Variants in NDFIP1 observed in about 807,000 individuals in gnomAD.
The protein encoded by NDFIP1 is Nedd4 family interacting protein 1.
NDFIP1 carries 7 observed loss-of-function variants against 28.8 expected under a neutral mutation model. That is an observed-to-expected ratio of 0.24 (90% CI 0.14 to 0.46). The LOEUF is 0.46. NDFIP1 is among the 20% of genes least tolerant of loss of function. The probability of loss-of-function intolerance (pLI) is 0.99; values close to 1 mark genes in which losing one functional copy is unlikely to be tolerated. For missense variants in NDFIP1, 194 were observed against 269.1 expected (o/e 0.72, Z 1.95); for synonymous variants, 92 against 101.0 (o/e 0.91, Z 0.53).
chr5:142,140,448 CAA>C (rs71576132), intron 5 of NDFIP1, 113 bp from the exon 6 acceptor site: 15,447 of 506,286 alleles, frequency 0.031, no homozygotes, highest in South Asian at 0.044. Flanking sequence ...AACTCCGTCT[CAA>C]AAAAAAAAAA....
At chr5:142,149,446 T>TTC (rs1757423784) in intron 7 of NDFIP1, among the ~76,000 whole-genome samples, 1 of 150,426 alleles carries the variant, frequency 6.6e-6, no homozygotes, top group Middle Eastern at 3.5e-3. Flanking sequence ...TTTTTTTTTT[T>TTC]TTTTTTTTTA....
intron 3 of NDFIP1, among the ~76,000 whole-genome samples, chr5:142,135,390 G>T (rs769978933): frequency 1.3e-5 from 2 of 152,104 alleles, no homozygotes; most frequent in African/African-American, 2.4e-5. Context: ...TTTTCTTGAG[G>T]TATATTTTTT....
chr5:142,116,374 T>C (rs1455325206), intron 1 of NDFIP1, among the ~76,000 whole-genome samples: 3 of 146,322 alleles, frequency 2.1e-5, no homozygotes, highest in Admixed American at 6.9e-5. Flanking sequence ...CTCTCTCTCT[T>C]TCTTTCTTTC....
intron 1 of NDFIP1, among the ~76,000 whole-genome samples, chr5:142,113,812 T>C (rs1044415991): frequency 1.3e-5 from 2 of 152,230 alleles, no homozygotes; most frequent in African/African-American, 4.8e-5. Context: ...GGATTTGTCC[T>C]TTTGTGACTG....
chr5:142,148,539 T>C (rs915718692), intron 7 of NDFIP1, among the ~76,000 whole-genome samples: 1 of 151,350 alleles, frequency 6.6e-6, no homozygotes, highest in African/African-American at 2.4e-5. Context: ...TCACCTGAGG[T>C]TAGAAGTTTG....
chr5:142,128,255 C>T (rs1390903582), intron 1 of NDFIP1, among the ~76,000 whole-genome samples: 3 of 152,148 alleles, frequency 2.0e-5, no homozygotes, highest in African/African-American at 4.8e-5. Context: ...CTAACCCAAA[C>T]GTGACAATGC....
chr5:142,113,030 C>G (rs2126909233), intron 1 of NDFIP1, among the ~76,000 whole-genome samples: 1 of 152,144 alleles, frequency 6.6e-6, no homozygotes, highest in South Asian at 2.1e-4. Flanking sequence ...TGAATTTTGC[C>G]AATTCATTTC....
intron 1 of NDFIP1, among the ~76,000 whole-genome samples, chr5:142,118,948 A>C (rs1321616755): frequency 6.6e-6 from 1 of 152,046 alleles, no homozygotes; most frequent in East Asian, 1.9e-4. Context: ...GCATTTTTCC[A>C]AGGAGCCTAG....
At chr5:142,132,179 CA>C (rs767371147) in intron 2 of NDFIP1, 32 bp from the exon 3 acceptor site, 1 of 1,602,180 alleles carries the variant, frequency 6.2e-7, no homozygotes, top group Non-Finnish European at 8.5e-7. Context: ...TTCAGCTAAT[CA>C]TCAAAAAATT....
At chr5:142,118,966 T>G (rs1158724032) in intron 1 of NDFIP1, among the ~76,000 whole-genome samples, 1 of 152,168 alleles carries the variant, frequency 6.6e-6, no homozygotes, top group African/African-American at 2.4e-5. Context: ...TAGGTTCCTT[T>G]TATTGAAAAA....
At chr5:142,109,174 G>T in intron 1 of NDFIP1, 137 bp downstream of exon 1, 1 of 773,010 alleles carries the variant, frequency 1.3e-6, no homozygotes, top group Non-Finnish European at 1.7e-6. Context: ...CTGGAGGGGC[G>T]GGTCGGGCCC....
chr5:142,128,162 A>G (rs755333107), intron 1 of NDFIP1, among the ~76,000 whole-genome samples: 10 of 152,104 alleles, frequency 6.6e-5, no homozygotes, highest in Non-Finnish European at 1.2e-4. Context: ...AGTATCCCCT[A>G]CAACCCAGAT....
chr5:142,132,319 A>G lies in NDFIP1; in HGVS notation c.259A>G (p.Thr87Ala). The part of the protein sequence containing the change: ...DEAERTKAEA[T>A]IPLVPGRDED... Reference sequence around the variant, plus strand: ...AGCGGAGAGGACCAAGGCTGAAGCTACTATCCCTTTGGTTCCTGGGAGAGT... The same window carrying G: ...AGCGGAGAGGACCAAGGCTGAAGCTGCTATCCCTTTGGTTCCTGGGAGAGT... The change falls in exon 3 of 8, where the codon ACT becomes GCT. Residue 87 changes from threonine (T) to alanine (A), a missense_variant. Transcript: ENST00000253814. 2 of 1,614,056 alleles carry G rather than the reference A, an allele frequency of 1.2e-6. No homozygotes were observed. The highest frequency in any genetic ancestry group is 2.7e-5 in the African/African-American group (2 of 75,052).
At chr5:142,142,584 A>G (rs1757342624) in intron 6 of NDFIP1, among the ~76,000 whole-genome samples, 1 of 152,072 alleles carries the variant, frequency 6.6e-6, no homozygotes, top group Non-Finnish European at 1.5e-5. Context: ...AGGTTTTATA[A>G]TCCTTCATCA....
intron 7 of NDFIP1, among the ~76,000 whole-genome samples, chr5:142,151,272 T>C (rs1757444174): frequency 6.6e-6 from 1 of 152,232 alleles, no homozygotes; most frequent in Non-Finnish European, 1.5e-5. Context: ...TAGCATGACA[T>C]GGTTGGCATC....
At chr5:142,118,320 G>T (rs1390572806) in intron 1 of NDFIP1, among the ~76,000 whole-genome samples, 1 of 152,154 alleles carries the variant, frequency 6.6e-6, no homozygotes, top group Non-Finnish European at 1.5e-5. Context: ...CTTCTTGGCT[G>T]TGAGTTTCTC....
intron 6 of NDFIP1, among the ~76,000 whole-genome samples, chr5:142,140,996 G>A (rs1349518384): frequency 1.3e-5 from 2 of 152,074 alleles, no homozygotes; most frequent in Non-Finnish European, 2.9e-5. Context: ...ACTGCAGCCA[G>A]TTGAACTAAC....
chr5:142,142,977 G>T (rs1162341517), intron 6 of NDFIP1: 2 of 126,548 alleles, frequency 1.6e-5, no homozygotes, highest in Non-Finnish European at 3.2e-5. Context: ...ATTAATAAGA[G>T]TTTGGATACA....
chr5:142,124,050 G>A (rs745776536), intron 1 of NDFIP1, among the ~76,000 whole-genome samples: 12 of 152,164 alleles, frequency 7.9e-5, no homozygotes, highest in Non-Finnish European at 1.8e-4. Flanking sequence ...CGTAGTCTTT[G>A]TAAGATCATG....
Sources: allele counts gnomAD v4.1 joint callset (sites outside exome capture counted in the v4.1 genomes callset), GRCh38; gene constraint gnomAD v4.1.1; transcripts MANE v1.5; gene names NCBI Gene and HGNC (gene_info 2026-07-23, HGNC 2026-07-21).